Variants in NAV2 observed in about 807,000 individuals in gnomAD.
NAV2 encodes the protein neuron navigator 2.
A neutral mutation model predicts 223.2 loss-of-function variants in NAV2; 54 were observed. That is an observed-to-expected ratio of 0.24 (90% CI 0.19 to 0.30). The LOEUF (loss-of-function observed/expected upper bound fraction) is 0.30, where lower values mean the gene tolerates loss of function less well. Ranked by LOEUF, NAV2 falls within the 10% of genes least tolerant of loss-of-function variation. The pLI is 1.00. For missense variants in NAV2, 2,806 were observed against 3,147.5 expected, an observed-to-expected ratio of 0.89 and a Z score of 2.60; for synonymous variants, 1,279 against 1,239.3, an observed-to-expected ratio of 1.03 and a Z score of -0.67.
chr11:19,443,618 C>T (rs2133720712), intron 1 of NAV2, among the ~76,000 whole-genome samples: 1 of 152,280 alleles, frequency 6.6e-6, no homozygotes, highest in Non-Finnish European at 1.5e-5. Context: ...TTTCTTCTCT[C>T]CTCTTTCTCA....
chr11:20,014,086 G>T (rs2053808519), intron 11 of NAV2, among the ~76,000 whole-genome samples: 1 of 152,202 alleles, frequency 6.6e-6, no homozygotes, highest in South Asian at 2.1e-4. Flanking sequence ...AGTGAGATCA[G>T]AGTCCCCAAC....
chr11:20,021,772 A>G (rs1179764091), intron 11 of NAV2, among the ~76,000 whole-genome samples: 2 of 152,184 alleles, frequency 1.3e-5, no homozygotes, highest in Non-Finnish European at 2.9e-5. Flanking sequence ...TGAGATGTGA[A>G]TGATTAACTT....
At chr11:19,457,923 G>C (rs1257720884) in intron 1 of NAV2, among the ~76,000 whole-genome samples, 3 of 152,164 alleles carry the variant, frequency 2.0e-5, no homozygotes, top group Non-Finnish European at 4.4e-5. Flanking sequence ...GGGTTGCTGG[G>C]ACATGCACGG....
At chr11:19,929,630 A>G (rs1299996527) in intron 6 of NAV2, among the ~76,000 whole-genome samples, 1 of 152,098 alleles carries the variant, frequency 6.6e-6, no homozygotes, top group Non-Finnish European at 1.5e-5. Context: ...AGAAATTCTG[A>G]TTCTTTGAGT....
At chr11:19,629,542 G>GACACACACACACACACACAC (rs10604730) in intron 1 of NAV2, among the ~76,000 whole-genome samples, 1 of 134,714 alleles carries the variant, frequency 7.4e-6, no homozygotes, top group African/African-American at 2.7e-5. Flanking sequence ...CTCTCTCTCT[G>GACACACACACACACACACAC]ACACACACAC....
intron 6 of NAV2, among the ~76,000 whole-genome samples, chr11:19,896,161 C>G (rs1054552562): frequency 6.6e-6 from 1 of 152,132 alleles, no homozygotes; most frequent in East Asian, 1.9e-4. Flanking sequence ...TCATAGACTA[C>G]TTTTTCAAAA....
At chr11:19,702,826 A>T (rs1895724) in intron 1 of NAV2, among the ~76,000 whole-genome samples, 127,574 of 147,024 alleles carry the variant, frequency 0.87, 55,808 homozygotes, top group Middle Eastern at 0.97. Flanking sequence ...AATAATAATA[A>T]GTCCCTTGAA....
intron 10 of NAV2, among the ~76,000 whole-genome samples, chr11:19,963,778 G>C (rs184922700): frequency 6.6e-6 from 1 of 152,176 alleles, no homozygotes; most frequent in Non-Finnish European, 1.5e-5. Context: ...AGTGAATGGG[G>C]GCAAAACTGG....
chr11:19,645,166 T>G (rs1167659708), intron 1 of NAV2, among the ~76,000 whole-genome samples: 1 of 152,162 alleles, frequency 6.6e-6, no homozygotes, highest in Non-Finnish European at 1.5e-5. Context: ...AGGAATTCAT[T>G]TATTTGCCCT....
intron 10 of NAV2, among the ~76,000 whole-genome samples, chr11:19,969,828 C>A (rs2049070087): frequency 6.6e-6 from 1 of 151,860 alleles, no homozygotes; most frequent in Admixed American, 6.6e-5. Context: ...TGCCTGTAGT[C>A]CCAGCTACTC....
chr11:19,549,474 G>A (rs758121725), intron 1 of NAV2, among the ~76,000 whole-genome samples: 7 of 152,196 alleles, frequency 4.6e-5, no homozygotes, highest in Admixed American at 1.3e-4. Context: ...GGGTTCACCC[G>A]ATGCAGAGAG....
intron 3 of NAV2, among the ~76,000 whole-genome samples, chr11:19,848,042 C>T (rs994501870): frequency 6.6e-6 from 1 of 152,300 alleles, no homozygotes; most frequent in South Asian, 2.1e-4. Flanking sequence ...CCCCAGAGGC[C>T]AGCTCATGTA....
intron 10 of NAV2, among the ~76,000 whole-genome samples, chr11:19,981,040 C>T (rs566185507): frequency 6.6e-6 from 1 of 152,162 alleles, no homozygotes; most frequent in African/African-American, 2.4e-5. Context: ...TCTGCCTGCC[C>T]TCCCTCTACA....
At chr11:19,748,366 C>T (rs2053544128) in intron 1 of NAV2, among the ~76,000 whole-genome samples, 1 of 152,182 alleles carries the variant, frequency 6.6e-6, no homozygotes, top group African/African-American at 2.4e-5. Flanking sequence ...ACCTGGACCC[C>T]ACCTCCAAGG....
At chr11:20,051,266 T>C (rs897544392) in intron 16 of NAV2, 23 bp from the exon 17 acceptor site, 1 of 1,611,962 alleles carries the variant, frequency 6.2e-7, no homozygotes, top group African/African-American at 1.3e-5. Flanking sequence ...GAAGTTCTTA[T>C]TTTTGTTTTA....
At chr11:19,784,082 T>C (rs1288525864) in intron 1 of NAV2, among the ~76,000 whole-genome samples, 2 of 151,962 alleles carry the variant, frequency 1.3e-5, no homozygotes, top group African/African-American at 2.4e-5. Context: ...ACCTTTAATG[T>C]AGGATGGTTA....
intron 1 of NAV2, among the ~76,000 whole-genome samples, chr11:19,555,034 T>C (rs957457501): frequency 2.7e-5 from 4 of 146,746 alleles, no homozygotes; most frequent in African/African-American, 1.1e-4. Context: ...AAAAATCTTA[T>C]CTACCCATGT....
chr11:19,892,487 G>A lies in NAV2; in HGVS notation c.824G>A (p.Arg275His), dbSNP rs200234458. 198 of 1,614,020 alleles carry A rather than the reference G, an allele frequency of 1.2e-4. No individual in the cohort carries two copies. Among genetic ancestry groups the A allele is most frequent in the Middle Eastern group, 1.6e-4 (1 of 6,082 alleles). ...GCTGCAGGCAGCGAGGCCAAAACAC[G>A]CGGAGGGTCAACTACTGCTAACAAC... ...VSAAGSEAKT[R>H]GGSTTANNRR... The change falls in exon 6 of 38, where the codon CGC becomes CAC. Residue 275 changes from arginine (R) to histidine (H), a missense_variant. Around this residue, in one of 4 missense-constraint regions of NAV2, gnomAD observed 1,167 missense variants for 1,180.5 expected, o/e 0.99. Coordinates refer to ENST00000349880, the MANE Select transcript of NAV2 (RefSeq NM_145117.5).
At chr11:19,601,485 T>A (rs1400676644) in intron 1 of NAV2, among the ~76,000 whole-genome samples, 1 of 152,178 alleles carries the variant, frequency 6.6e-6, no homozygotes, top group East Asian at 1.9e-4. Flanking sequence ...ACCCTGACCA[T>A]AAGTTTCTTG....
Sources: allele counts gnomAD v4.1 joint callset (sites outside exome capture counted in the v4.1 genomes callset), GRCh38; gene constraint gnomAD v4.1.1; regional missense constraint gnomAD v4.1.1; transcripts MANE v1.5; gene names NCBI Gene and HGNC (gene_info 2026-07-23, HGNC 2026-07-21).